NCKAP5: variants seen among roughly 807,000 people sequenced by gnomAD.
The protein encoded by NCKAP5 is nck-associated protein 5.
A neutral mutation model predicts 167.0 loss-of-function variants in NCKAP5; 92 were observed. That is an observed-to-expected ratio of 0.55 (90% confidence interval 0.47 to 0.66). The LOEUF (loss-of-function observed/expected upper bound fraction) is 0.66, where lower values mean the gene tolerates loss of function less well. NCKAP5 is among the 30% of genes least tolerant of loss of function. NCKAP5 has a pLI of 0.00. For missense variants in NCKAP5, 2,378 were observed against 2,315.0 expected, an observed-to-expected ratio of 1.03 and a Z score of -0.56; for synonymous variants, 891 against 877.4, an observed-to-expected ratio of 1.02 and a Z score of -0.27.
At chr2:133,187,731 A>AT (rs1410651772) in intron 5 of NCKAP5, among the ~76,000 whole-genome samples, 2 of 152,042 alleles carry the variant, frequency 1.3e-5, no homozygotes, top group Non-Finnish European at 2.9e-5. Flanking sequence ...TTCCAGTGAG[A>AT]TGGCCTTCTT....
At chr2:133,600,626 C>T in the NCKAP5 span, among the ~76,000 whole-genome samples, 1 of 152,206 alleles carries the variant, frequency 6.6e-6, no homozygotes, top group Admixed American at 6.5e-5. Flanking sequence ...CGCTGGCACC[C>T]TTCTTGATGT....
At chr2:133,119,333 A>T (rs1445141412) in intron 6 of NCKAP5, among the ~76,000 whole-genome samples, 1 of 152,202 alleles carries the variant, frequency 6.6e-6, no homozygotes, top group East Asian at 1.9e-4. Context: ...CTATAATTGT[A>T]TCTATCCCAC....
chr2:132,770,685 G>C (rs1167140727), intron 16 of NCKAP5, among the ~76,000 whole-genome samples: 1 of 151,974 alleles, frequency 6.6e-6, no homozygotes, highest in Non-Finnish European at 1.5e-5. Context: ...CACTGATGAG[G>C]GAAACATTCA....
chr2:133,317,804 G>C (rs1031649986), intron 3 of NCKAP5, among the ~76,000 whole-genome samples: 1 of 152,158 alleles, frequency 6.6e-6, no homozygotes, highest in South Asian at 2.1e-4. Flanking sequence ...CTGGTATAAT[G>C]GGTATAGGTG....
chr2:132,892,590 T>C (rs921378176), intron 8 of NCKAP5, among the ~76,000 whole-genome samples: 3 of 152,204 alleles, frequency 2.0e-5, no homozygotes, highest in Non-Finnish European at 4.4e-5. Flanking sequence ...ATTTGTGGCA[T>C]TAACCACCAG....
intron 1 of NCKAP5, among the ~76,000 whole-genome samples, chr2:133,565,349 G>A (rs1447297431): frequency 6.6e-6 from 1 of 152,234 alleles, no homozygotes; most frequent in Non-Finnish European, 1.5e-5. Flanking sequence ...ATACTCATTA[G>A]CACTTAATGT....
chr2:132,889,446 G>T (rs1013293643), intron 8 of NCKAP5, among the ~76,000 whole-genome samples: 1 of 151,958 alleles, frequency 6.6e-6, no homozygotes, highest in African/African-American at 2.4e-5. Context: ...AATAAAGATG[G>T]ATAAAATATA....
At chr2:133,513,800 T>A (rs1414296446) in intron 3 of NCKAP5, among the ~76,000 whole-genome samples, 2 of 152,130 alleles carry the variant, frequency 1.3e-5, no homozygotes, top group Admixed American at 1.3e-4. Context: ...AAGAAATTCA[T>A]ACTGTTACTC....
the NCKAP5 span, among the ~76,000 whole-genome samples, chr2:133,626,931 A>C: frequency 6.6e-6 from 1 of 152,026 alleles, no homozygotes; most frequent in African/African-American, 2.4e-5. Flanking sequence ...ACCATGTCAC[A>C]TACCAAAATA....
chr2:133,649,911 A>G, the NCKAP5 span, among the ~76,000 whole-genome samples: 2 of 152,152 alleles, frequency 1.3e-5, no homozygotes, highest in African/African-American at 4.8e-5. Context: ...AAGAAGTAAA[A>G]TGGTCTCTTT....
intron 11 of NCKAP5, among the ~76,000 whole-genome samples, chr2:132,821,192 G>C (rs981426301): frequency 3.3e-5 from 5 of 152,158 alleles, no homozygotes; most frequent in African/African-American, 9.7e-5. Context: ...TGAAACAGGT[G>C]AAAAACTGTG....
chr2:133,284,401 C>T (rs2090034820), intron 4 of NCKAP5, among the ~76,000 whole-genome samples: 1 of 152,062 alleles, frequency 6.6e-6, no homozygotes, highest in South Asian at 2.1e-4. Context: ...ATGACTGGCC[C>T]ATCACACAGT....
At chr2:133,660,265 G>C in the NCKAP5 span, among the ~76,000 whole-genome samples, 1 of 152,102 alleles carries the variant, frequency 6.6e-6, no homozygotes, top group African/African-American at 2.4e-5. Flanking sequence ...TGACTTTCCT[G>C]TGGTCTCGCC....
chr2:132,857,037 G>A (rs943361803), intron 11 of NCKAP5, among the ~76,000 whole-genome samples: 1 of 152,142 alleles, frequency 6.6e-6, no homozygotes, highest in Non-Finnish European at 1.5e-5. Context: ...AGATGAAATT[G>A]GTGAGTGCTG....
the NCKAP5 span, among the ~76,000 whole-genome samples, chr2:133,672,054 A>G: frequency 6.6e-6 from 1 of 152,234 alleles, no homozygotes; most frequent in Non-Finnish European, 1.5e-5. Flanking sequence ...AAATGCTATG[A>G]AGAAAGAGTG....
At chr2:133,129,703 A>G (rs2082532012) in intron 6 of NCKAP5, among the ~76,000 whole-genome samples, 1 of 152,234 alleles carries the variant, frequency 6.6e-6, no homozygotes, top group Admixed American at 6.5e-5. Context: ...ACTGGCTGCA[A>G]AGCCACCACA....
chr2:133,216,196 T>C (rs1248479929), intron 4 of NCKAP5, among the ~76,000 whole-genome samples: 1 of 152,058 alleles, frequency 6.6e-6, no homozygotes, highest in Non-Finnish European at 1.5e-5. Context: ...TCCTATTCAC[T>C]GATACATATA....
At chr2:133,609,286 A>C in the NCKAP5 span, among the ~76,000 whole-genome samples, 14,550 of 152,270 alleles carry the variant, frequency 0.096, 795 homozygotes, top group African/African-American at 0.12. Flanking sequence ...GTTGTTCTCC[A>C]TATCTCCACG....
chr2:133,077,922 A>G (rs190786525), intron 6 of NCKAP5, among the ~76,000 whole-genome samples: 8 of 152,326 alleles, frequency 5.3e-5, no homozygotes, highest in South Asian at 2.1e-4. Flanking sequence ...CAAATGGATG[A>G]TGCTTTTATG....
Sources: allele counts gnomAD v4.1 joint callset (sites outside exome capture counted in the v4.1 genomes callset), GRCh38; gene constraint gnomAD v4.1.1; transcripts MANE v1.5; gene names NCBI Gene and HGNC (gene_info 2026-07-23, HGNC 2026-07-21).